Variants in DCDC1 observed in about 807,000 individuals in gnomAD.
DCDC1 encodes the protein doublecortin domain containing 1.
Under a neutral mutation model 178.3 loss-of-function variants are expected in DCDC1, and 200 were observed. The ratio of observed to expected loss-of-function variants is 1.12; its 90% CI spans 1.00 to 1.26. The LOEUF (loss-of-function observed/expected upper bound fraction) is 1.26. DCDC1 is among the 50% of genes most tolerant of loss of function. DCDC1 has a pLI of 0.00. For synonymous variants in DCDC1, 690 were observed against 604.8 expected (o/e 1.14, Z -2.07); for missense variants, 1,983 against 1,749.2 (o/e 1.13, Z -2.38).
intron 1 of DCDC1, among the ~76,000 whole-genome samples, chr11:31,365,052 A>G (rs1547131): frequency 0.29 from 43,718 of 152,012 alleles, 6,414 homozygotes; most frequent in African/African-American, 0.33. Flanking sequence ...TTCCTCTGGC[A>G]TAGTACTTCC....
intron 20 of DCDC1, among the ~76,000 whole-genome samples, chr11:30,964,624 T>A (rs987847510): frequency 6.6e-6 from 1 of 152,184 alleles, no homozygotes; most frequent in Non-Finnish European, 1.5e-5. Flanking sequence ...AAAATGTGAA[T>A]GATGATTTGT....
chr11:31,077,687 TA>T (rs998871884), intron 18 of DCDC1, among the ~76,000 whole-genome samples, 177 bp downstream of exon 18: 28 of 148,910 alleles, frequency 1.9e-4, no homozygotes, highest in Admixed American at 5.3e-4. Context: ...GTTTTAAAAT[TA>T]AAAAAAAAAG....
chr11:31,297,284 G>C (rs1947758904), intron 6 of DCDC1, among the ~76,000 whole-genome samples: 1 of 152,122 alleles, frequency 6.6e-6, no homozygotes, highest in Admixed American at 6.5e-5. Flanking sequence ...GTGGGGCAGG[G>C]AGCCAAGCAA....
intron 20 of DCDC1, among the ~76,000 whole-genome samples, chr11:30,986,940 T>G (rs1402646915): frequency 6.6e-6 from 1 of 152,122 alleles, no homozygotes; most frequent in African/African-American, 2.4e-5. Context: ...TGAAAATAAC[T>G]CCTACTGTCC....
intron 3 of DCDC1, among the ~76,000 whole-genome samples, chr11:31,321,822 A>C (rs1222901838): frequency 1.3e-5 from 2 of 152,214 alleles, no homozygotes; most frequent in African/African-American, 2.4e-5. Flanking sequence ...TAATAATATT[A>C]ATTGTCAGGT....
At chr11:31,163,501 A>C (rs1213479744) in intron 9 of DCDC1, among the ~76,000 whole-genome samples, 1 of 152,116 alleles carries the variant, frequency 6.6e-6, no homozygotes, top group Admixed American at 6.6e-5. Flanking sequence ...AGTTTGTATA[A>C]TGTATATGGT....
chr11:30,910,543 A>G (rs1945368362), intron 28 of DCDC1, among the ~76,000 whole-genome samples: 1 of 152,198 alleles, frequency 6.6e-6, no homozygotes, highest in Non-Finnish European at 1.5e-5. Context: ...AGAATGAAAC[A>G]AATGTTATCT....
intron 22 of DCDC1, among the ~76,000 whole-genome samples, chr11:30,929,328 G>A (rs1412980565): frequency 6.6e-6 from 1 of 152,128 alleles, no homozygotes; most frequent in Non-Finnish European, 1.5e-5. Context: ...TCATGAAACT[G>A]AATGATAGGT....
intron 9 of DCDC1, among the ~76,000 whole-genome samples, chr11:31,213,113 CT>C (rs1347013865): frequency 1.6e-4 from 8 of 50,652 alleles, no homozygotes; most frequent in South Asian, 7.6e-4. Context: ...CTCTCTCTCT[CT>C]CTCTCTCTCT....
chr11:31,152,021 C>T (rs1418700354), intron 9 of DCDC1, among the ~76,000 whole-genome samples: 2 of 152,150 alleles, frequency 1.3e-5, no homozygotes, highest in Non-Finnish European at 2.9e-5. Flanking sequence ...GTAATCATTT[C>T]ATGATGTGTG....
chr11:31,074,454 G>A (rs1459938172), intron 18 of DCDC1, among the ~76,000 whole-genome samples: 1 of 152,112 alleles, frequency 6.6e-6, no homozygotes, highest in Non-Finnish European at 1.5e-5. Context: ...GACAGAATTA[G>A]GGCCTTTATA....
chr11:31,228,983 C>T (rs1238043656), intron 9 of DCDC1, among the ~76,000 whole-genome samples: 1 of 151,934 alleles, frequency 6.6e-6, no homozygotes, highest in Non-Finnish European at 1.5e-5. Context: ...ATTTGTACCC[C>T]AAACCACAGA....
At chr11:31,153,644 A>T (rs562597805) in intron 9 of DCDC1, among the ~76,000 whole-genome samples, 4 of 152,128 alleles carry the variant, frequency 2.6e-5, no homozygotes, top group Admixed American at 2.0e-4. Context: ...TCAGCCGGGC[A>T]TGGTGGTGGG....
intron 25 of DCDC1, among the ~76,000 whole-genome samples, chr11:30,917,232 C>T (rs1420810997): frequency 1.3e-5 from 2 of 152,108 alleles, no homozygotes; most frequent in South Asian, 4.1e-4. Context: ...AATAAAATTC[C>T]TCAATCACAT....
intron 18 of DCDC1, 48 bp downstream of exon 18, chr11:31,077,817 G>A (rs753822888): frequency 6.6e-6 from 5 of 757,078 alleles, no homozygotes; most frequent in Non-Finnish European, 1.2e-5. Flanking sequence ...TAAGAATCTG[G>A]GAATAGAAAA....
At chr11:31,302,324 GT>G (rs1473835006) in intron 6 of DCDC1, among the ~76,000 whole-genome samples, 1 of 152,122 alleles carries the variant, frequency 6.6e-6, no homozygotes, top group African/African-American at 2.4e-5. Flanking sequence ...AATTTTCACT[GT>G]GTCACAATTA....
intron 20 of DCDC1, among the ~76,000 whole-genome samples, chr11:30,969,969 C>T (rs1364017065): frequency 1.3e-5 from 2 of 152,138 alleles, no homozygotes; most frequent in Non-Finnish European, 2.9e-5. Flanking sequence ...CAGATTATCA[C>T]ACTTCTAATA....
chr11:31,211,367 A>G (rs1972511160), intron 9 of DCDC1, among the ~76,000 whole-genome samples: 1 of 152,236 alleles, frequency 6.6e-6, no homozygotes, highest in Non-Finnish European at 1.5e-5. Context: ...TGTATACACA[A>G]TTGCACAACT....
chr11:31,328,155 T>C lies in DCDC1; in HGVS notation c.126A>G (p.Val42=). 1 of 1,611,192 alleles carries C rather than the reference T, an allele frequency of 6.2e-7. No homozygotes were observed. Among genetic ancestry groups the C allele is most frequent in the Admixed American group, 1.7e-5 (1 of 59,742 alleles). The change falls in exon 3 of 39, where the codon GTA becomes GTG. Residue 42 remains valine (V), a synonymous_variant. Transcript: ENST00000684477. The part of the protein sequence containing the change: ...SPEGTLDGNT[V]NPIYKYILND... ...TCAAAATATATTTGTAAATTGGGTT[T>C]ACAGTATTCCCATCCAAAGTGCCTT...
Sources: allele counts gnomAD v4.1 joint callset (sites outside exome capture counted in the v4.1 genomes callset), GRCh38; gene constraint gnomAD v4.1.1; transcripts MANE v1.5; gene names NCBI Gene and HGNC (gene_info 2026-07-23, HGNC 2026-07-21).